DMD: variants seen among roughly 807,000 people sequenced by gnomAD.
DMD encodes the protein mutant dystrophin.
Under a neutral mutation model 330.1 loss-of-function variants are expected in DMD, and 63 were observed. The ratio of observed to expected loss-of-function variants is 0.19; its 90% CI spans 0.16 to 0.24. DMD has a LOEUF of 0.24. DMD is among the 10% of genes least tolerant of loss of function. The probability of loss-of-function intolerance (pLI) is 1.00; values close to 1 mark genes in which losing one functional copy is unlikely to be tolerated. For missense variants in DMD, 3,344 were observed against 2,684.1 expected, an observed-to-expected ratio of 1.25 and a Z score of -5.43; for synonymous variants, 1,223 against 959.8, an observed-to-expected ratio of 1.27 and a Z score of -5.07.
chrX:31,146,263 A>G, intron 76 of DMD, 28 bp downstream of exon 76: 3 of 1,207,634 alleles, frequency 2.5e-6, no homozygotes, highest in Non-Finnish European at 3.4e-6. Context: ...TTCAGACAAC[A>G]AAATCTGAGA....
At chrX:33,127,424 C>T (rs1451361350) in intron 1 of DMD, among the ~76,000 whole-genome samples, 1 of 110,629 alleles carries the variant, frequency 9.0e-6, no homozygotes, top group Non-Finnish European at 1.9e-5. Flanking sequence ...AGTGTTTAAC[C>T]TCTAAAATCA....
chrX:32,481,554 C>T (rs765160353), intron 21 of DMD, among the ~76,000 whole-genome samples: 3 of 111,698 alleles, frequency 2.7e-5, no homozygotes, highest in Admixed American at 9.5e-5. Flanking sequence ...TGATTTGTTA[C>T]ATTCCAGCCT....
At chrX:32,626,445 G>A (rs1469979927) in intron 11 of DMD, among the ~76,000 whole-genome samples, 3 of 104,634 alleles carry the variant, frequency 2.9e-5, no homozygotes, top group Non-Finnish European at 5.7e-5. Context: ...CTCCAGCCTG[G>A]GTGAAAGAAC....
At chrX:32,738,879 A>G (rs917862140) in intron 7 of DMD, among the ~76,000 whole-genome samples, 1 of 111,983 alleles carries the variant, frequency 8.9e-6, no homozygotes, top group African/African-American at 3.2e-5. Flanking sequence ...CTGAAATTCA[A>G]TTAGAATATA....
chrX:33,164,532 CAG>C (rs1358467959), intron 1 of DMD, among the ~76,000 whole-genome samples: 4 of 111,793 alleles, frequency 3.6e-5, no homozygotes, highest in Non-Finnish European at 7.5e-5. Flanking sequence ...AGCAGATAAG[CAG>C]AGTTATTGAA....
At chrX:32,529,355 G>A (rs902030847) in intron 17 of DMD, among the ~76,000 whole-genome samples, 2 of 99,571 alleles carry the variant, frequency 2.0e-5, no homozygotes, top group Non-Finnish European at 4.0e-5. Flanking sequence ...ACAGGCGCGC[G>A]AATTCCACCT....
At chrX:31,604,456 G>A (rs1047168554) in intron 55 of DMD, among the ~76,000 whole-genome samples, 6 of 111,261 alleles carry the variant, frequency 5.4e-5, no homozygotes, top group Non-Finnish European at 1.1e-4. Context: ...TCGAGACAGC[G>A]CCAAAAGATT....
chrX:31,289,132 A>G (rs1395084030), intron 62 of DMD, among the ~76,000 whole-genome samples: 1 of 107,733 alleles, frequency 9.3e-6, no homozygotes, highest in African/African-American at 3.4e-5. Context: ...TACAAAAATT[A>G]GCTGGGCATG....
intron 29 of DMD, among the ~76,000 whole-genome samples, chrX:32,437,982 A>G (rs745422154): frequency 8.9e-6 from 1 of 112,067 alleles, no homozygotes; most frequent in East Asian, 2.8e-4. Context: ...ATCTTGAGTA[A>G]GGAAAAGAAC....
rs761835866 is a variant in DMD at position 32,050,974 on chromosome X, C to CTTTTTTTTTTTTTTTTTTTTTTTTTTT, written c.6439-82461_6439-82460insAAAAAAAAAAAAAAAAAAAAAAAAAAA. Among the ~76,000 whole-genome samples, 53 of 78,108 alleles carry CTTTTTTTTTTTTTTTTTTTTTTTTTTT rather than the reference C, an allele frequency of 6.8e-4. 8 individuals are homozygous for CTTTTTTTTTTTTTTTTTTTTTTTTTTT. The highest frequency in any genetic ancestry group is 2.9e-3 in the African/African-American group (50 of 17,514). 67.8% of individuals were successfully genotyped at this position (78,108 alleles called of 115,157 possible). A position where few individuals can be genotyped will look rare whatever the true frequency, so the allele number is the denominator to read the frequency against. On this transcript the variant is annotated intron_variant, in intron 44 of 78. Transcript: ENST00000357033. ...TTACATTGCCTCAGGCTAACTTCCT[C>CTTTTTTTTTTTTTTTTTTTTTTTTTTT]TTTTTTTTTTTTTCCCCCTAATAGA...
chrX:31,536,004 A>G (rs2147560914), intron 55 of DMD, among the ~76,000 whole-genome samples: 1 of 112,267 alleles, frequency 8.9e-6, no homozygotes, highest in East Asian at 2.8e-4. Flanking sequence ...ATCAGCTAAA[A>G]GGGTAAAACT....
chrX:31,567,355 T>C (rs1194482089), intron 55 of DMD, among the ~76,000 whole-genome samples: 1 of 111,285 alleles, frequency 9.0e-6, no homozygotes, highest in African/African-American at 3.3e-5. Context: ...TGTAGTTTTC[T>C]GTAGATACCC....
At chrX:31,140,337 T>C (rs1387252603) in intron 76 of DMD, among the ~76,000 whole-genome samples, 1 of 112,565 alleles carries the variant, frequency 8.9e-6, no homozygotes, top group Non-Finnish European at 1.9e-5. Context: ...AAAAAGGAGC[T>C]GTGTACAAGA....
In DMD at chrX:31,223,036, C is replaced by A; in HGVS notation, c.9361+11G>T. ...TAGTATCAAGATCTTCAAATACTGG[C>A]CAATACTTACAGCAAAGGGCCTTCT... On this transcript the variant is annotated intron_variant, in intron 64 of 78. Coordinates refer to ENST00000357033, the MANE Select transcript of DMD (RefSeq NM_004006.3). 2 of 1,199,459 alleles carry A rather than the reference C, an allele frequency of 1.7e-6. No homozygotes were observed. The highest frequency in any genetic ancestry group is 2.3e-6 in the Non-Finnish European group (2 of 884,348).
chrX:33,157,684 G>A (rs964483332), intron 1 of DMD, among the ~76,000 whole-genome samples: 1 of 112,267 alleles, frequency 8.9e-6, no homozygotes, highest in Non-Finnish European at 1.9e-5. Flanking sequence ...GGCCAGGAGC[G>A]GTGGCTCACG....
intron 17 of DMD, among the ~76,000 whole-genome samples, chrX:32,534,931 T>C (rs1288814666): frequency 1.8e-5 from 2 of 111,161 alleles, no homozygotes; most frequent in Non-Finnish European, 3.8e-5. Context: ...GACAGGTTTC[T>C]GACCAGGGAA....
Position 32,724,567 on chromosome X carries a change from G to A in DMD, c.650-25274C>T, listed in dbSNP as rs1300172002. Among the ~76,000 whole-genome samples, 5 of 111,690 alleles carry A rather than the reference G, an allele frequency of 4.5e-5. No homozygotes were observed. The East Asian group carries it at 1.4e-3, about 32-fold the overall frequency. On this transcript the variant is annotated intron_variant, in intron 7 of 78. Coordinates refer to ENST00000357033, the MANE Select transcript of DMD (RefSeq NM_004006.3). ...CTCTGAAACAATAAATCAACCCAAT[G>A]TGAAGTATATCACAGCCCATAAAAT...
At chrX:32,562,115 T>C (rs1015222315) in intron 16 of DMD, among the ~76,000 whole-genome samples, 2 of 112,044 alleles carry the variant, frequency 1.8e-5, no homozygotes, top group African/African-American at 6.5e-5. Flanking sequence ...TTACAGGGAA[T>C]CATGATCATT....
intron 23 of DMD, among the ~76,000 whole-genome samples, chrX:32,465,586 T>TG (rs2098399518): frequency 1.3e-5 from 1 of 74,525 alleles, no homozygotes; most frequent in Non-Finnish European, 2.5e-5. Context: ...TTTTTTGTTT[T>TG]TTTTTTTTTT....
Sources: allele counts gnomAD v4.1 joint callset (sites outside exome capture counted in the v4.1 genomes callset), GRCh38; gene constraint gnomAD v4.1.1; transcripts MANE v1.5; gene names NCBI Gene and HGNC (gene_info 2026-07-23, HGNC 2026-07-21).